The following ADARB2 variants were observed in gnomAD, a reference collection of about 807,000 sequenced individuals.
ADARB2 encodes the protein adenosine deaminase RNA specific B2 (inactive).
Under a neutral mutation model 62.2 loss-of-function variants are expected in ADARB2, and 25 were observed. That is an observed-to-expected ratio of 0.40 (90% CI 0.29 to 0.56). The LOEUF (loss-of-function observed/expected upper bound fraction) is 0.56, where lower values mean the gene tolerates loss of function less well. Among genes scored for constraint, ADARB2 ranks in the 20% least tolerant of loss-of-function variants. ADARB2 has a pLI of 0.43. For missense variants in ADARB2, 1,071 were observed against 1,077.4 expected (o/e 0.99, Z 0.08); for synonymous variants, 572 against 500.8 (o/e 1.14, Z -1.90).
chr10:1,596,715 A>G (rs940500613), intron 1 of ADARB2, among the ~76,000 whole-genome samples: 1 of 152,198 alleles, frequency 6.6e-6, no homozygotes, highest in Non-Finnish European at 1.5e-5. Flanking sequence ...GAGCCCCGGG[A>G]CACAGAGCAC....
chr10:1,697,335 T>A (rs1487005681), intron 1 of ADARB2, among the ~76,000 whole-genome samples: 4 of 152,184 alleles, frequency 2.6e-5, no homozygotes, highest in African/African-American at 9.7e-5. Context: ...TCTTCTCCCC[T>A]CTTGTCTTCC....
In ADARB2 at chr10:1,461,212, C is replaced by T. The variant is rs145514409; in HGVS notation, c.101-82052G>A. The stretch of plus-strand genomic sequence containing the variant: ...GCCATATCAATGACATCATGACAAA[C>T]GCCCCAGACCGAATTATTTCTGTGT... On this transcript the variant is annotated intron_variant, in intron 1 of 9. Coordinates refer to ENST00000381312, the MANE Select transcript of ADARB2 (RefSeq NM_018702.4). Among the ~76,000 whole-genome samples the T allele has an allele frequency of 2.1e-4, 32 of 152,316 alleles. No individual in the cohort carries two copies. The East Asian group carries it at 3.9e-3, about 18-fold the overall frequency.
chr10:1,188,536 T>C (rs2131735608), intron 8 of ADARB2, among the ~76,000 whole-genome samples: 1 of 152,228 alleles, frequency 6.6e-6, no homozygotes, highest in South Asian at 2.1e-4. Flanking sequence ...CCCCTCTGTG[T>C]TCTGCTGGCA....
intron 3 of ADARB2, among the ~76,000 whole-genome samples, chr10:1,302,676 G>C (rs1387288118): frequency 6.6e-6 from 1 of 152,260 alleles, no homozygotes; most frequent in African/African-American, 2.4e-5. Flanking sequence ...TGCAGCTGGA[G>C]ATCTGAGAAC....
At chr10:1,554,117 A>G (rs1286656639) in intron 1 of ADARB2, among the ~76,000 whole-genome samples, 5 of 152,102 alleles carry the variant, frequency 3.3e-5, no homozygotes, top group African/African-American at 1.2e-4. Flanking sequence ...GGCTCATCTC[A>G]GCGGCCCTAT....
At chr10:1,326,530 T>C (rs1053446347) in intron 3 of ADARB2, among the ~76,000 whole-genome samples, 1 of 152,240 alleles carries the variant, frequency 6.6e-6, no homozygotes, top group Non-Finnish European at 1.5e-5. Context: ...TCACTGTTTT[T>C]ATATGAACTT....
intron 4 of ADARB2, among the ~76,000 whole-genome samples, chr10:1,259,071 G>A (rs938525749): frequency 2.0e-5 from 3 of 152,144 alleles, no homozygotes; most frequent in African/African-American, 4.8e-5. Flanking sequence ...ACGAAATGAA[G>A]GCAGAAATAA....
chr10:1,287,317 TA>T (rs1831422917), intron 3 of ADARB2, among the ~76,000 whole-genome samples: 8 of 152,254 alleles, frequency 5.3e-5, no homozygotes. Flanking sequence ...GATGTCTTGA[TA>T]CATATACACA....
intron 6 of ADARB2, among the ~76,000 whole-genome samples, chr10:1,232,171 C>T (rs1329441537): frequency 1.4e-5 from 2 of 139,950 alleles, no homozygotes; most frequent in African/African-American, 6.6e-5. Context: ...ACATAGCACA[C>T]ACACCGCACA....
intron 1 of ADARB2, among the ~76,000 whole-genome samples, chr10:1,558,970 T>C (rs954164612): frequency 6.6e-6 from 1 of 152,246 alleles, no homozygotes; most frequent in African/African-American, 2.4e-5. Context: ...ACTCAAAGCC[T>C]GGCACATGTA....
chr10:1,493,505 A>G (rs1431612151), intron 1 of ADARB2, among the ~76,000 whole-genome samples: 1 of 152,164 alleles, frequency 6.6e-6, no homozygotes, highest in African/African-American at 2.4e-5. Flanking sequence ...GAATGAACTA[A>G]GGAATCAGAA....
intron 1 of ADARB2, among the ~76,000 whole-genome samples, chr10:1,598,694 C>G (rs569702328): frequency 6.6e-6 from 1 of 152,304 alleles, no homozygotes; most frequent in South Asian, 2.1e-4. Flanking sequence ...ATGCAGAAGG[C>G]CCCAGGAGAG....
chr10:1,558,432 A>G (rs866927284), intron 1 of ADARB2, among the ~76,000 whole-genome samples: 255 of 59,634 alleles, frequency 4.3e-3, no homozygotes, highest in Non-Finnish European at 5.4e-3. Flanking sequence ...CAGCACCCCC[A>G]TGCCCCATCT....
Position 1,182,954 on chromosome 10 carries a change from G to A in ADARB2, c.*239C>T, listed in dbSNP as rs1041381441. The stretch of plus-strand genomic sequence containing the variant: ...CTCAGACTCCACAGGAAGAGTCGGC[G>A]CTAACTCAACAGTGCATGTGCCCCT... On this transcript the variant is annotated 3_prime_UTR_variant, in exon 10 of 10. Coordinates refer to ENST00000381312, the MANE Select transcript of ADARB2 (RefSeq NM_018702.4). 2 of 510,046 alleles carry A rather than the reference G, an allele frequency of 3.9e-6. No individual in the cohort carries two copies. Among genetic ancestry groups the A allele is most frequent in the Admixed American group, 3.3e-5 (1 of 29,970 alleles). The allele number at this position is 510,046 out of a possible 1,614,324, so 31.6% of individuals were successfully genotyped here.
intron 3 of ADARB2, among the ~76,000 whole-genome samples, chr10:1,347,952 G>T (rs576005117): frequency 4.6e-5 from 7 of 151,956 alleles, no homozygotes; most frequent in African/African-American, 1.7e-4. Flanking sequence ...AGAGATAGGG[G>T]TGGAGAGAGA....
chr10:1,714,888 C>T (rs1834997759), intron 1 of ADARB2, among the ~76,000 whole-genome samples: 1 of 152,158 alleles, frequency 6.6e-6, no homozygotes, highest in Non-Finnish European at 1.5e-5. Context: ...TTTTAGGGTA[C>T]ATGTGCACAA....
At chr10:1,603,074 G>A (rs200162518) in intron 1 of ADARB2, among the ~76,000 whole-genome samples, 1 of 142,058 alleles carries the variant, frequency 7.0e-6, no homozygotes, top group Non-Finnish European at 1.5e-5. Context: ...ACACAACACA[G>A]ACACCTGTAC....
intron 1 of ADARB2, among the ~76,000 whole-genome samples, chr10:1,628,263 T>C (rs145818875): frequency 6.6e-6 from 1 of 152,352 alleles, no homozygotes; most frequent in East Asian, 1.9e-4. Flanking sequence ...CAGTACTTTA[T>C]GATAACAGCA....
chr10:1,472,146 G>A (rs1414523287), intron 1 of ADARB2, among the ~76,000 whole-genome samples: 1 of 152,224 alleles, frequency 6.6e-6, no homozygotes, highest in Non-Finnish European at 1.5e-5. Flanking sequence ...AGAAGGGCTT[G>A]TCTTGCTGCT....
Sources: allele counts gnomAD v4.1 joint callset (sites outside exome capture counted in the v4.1 genomes callset), GRCh38; gene constraint gnomAD v4.1.1; transcripts MANE v1.5; gene names NCBI Gene and HGNC (gene_info 2026-07-23, HGNC 2026-07-21).